RBFOX1: variants seen among roughly 807,000 people sequenced by gnomAD.
RBFOX1 encodes RNA binding fox-1 homolog 1.
RBFOX1 carries 8 observed loss-of-function variants against 57.7 expected under a neutral mutation model. That is an observed-to-expected ratio of 0.14 (90% confidence interval 0.08 to 0.25). The LOEUF (loss-of-function observed/expected upper bound fraction) is 0.25. Ranked by LOEUF, RBFOX1 falls within the 10% of genes least tolerant of loss-of-function variation. The probability of loss-of-function intolerance (pLI) is 1.00; values close to 1 mark genes in which losing one functional copy is unlikely to be tolerated. For synonymous variants in RBFOX1, 326 were observed against 222.4 expected, an observed-to-expected ratio of 1.47 and a Z score of -4.15; for missense variants, 611 against 548.5, an observed-to-expected ratio of 1.11 and a Z score of -1.14.
At chr16:6,508,141 C>T (rs911294986) in intron 2 of RBFOX1, among the ~76,000 whole-genome samples, 5 of 152,142 alleles carry the variant, frequency 3.3e-5, no homozygotes, top group Non-Finnish European at 7.3e-5. Context: ...CATGTTCTCA[C>T]TTATAAGTGA....
intron 4 of RBFOX1, among the ~76,000 whole-genome samples, chr16:7,420,998 T>C (rs1279402391): frequency 6.6e-6 from 1 of 151,464 alleles, no homozygotes; most frequent in South Asian, 2.1e-4. Flanking sequence ...TTCCTGAGGC[T>C]GTACAGACGT....
intron 3 of RBFOX1, among the ~76,000 whole-genome samples, chr16:6,868,949 T>C (rs1171410276): frequency 6.6e-6 from 1 of 152,106 alleles, no homozygotes; most frequent in African/African-American, 2.4e-5. Flanking sequence ...GCCTTAGAGA[T>C]TTTGGATACA....
intron 1 of RBFOX1, among the ~76,000 whole-genome samples, chr16:6,108,896 G>C (rs73527911): frequency 0.11 from 17,316 of 151,720 alleles, 1,543 homozygotes; most frequent in East Asian, 0.31. Context: ...TTAATATTTC[G>C]GACCCACCTA....
intron 5 of RBFOX1, among the ~76,000 whole-genome samples, chr16:7,531,118 A>G (rs568844398): frequency 4.4e-4 from 67 of 152,304 alleles, no homozygotes; most frequent in African/African-American, 1.5e-3. Flanking sequence ...TGAAAGTGAA[A>G]AGGCAATTTT....
chr16:5,327,196 A>G (rs148248433), intron 1 of RBFOX1, among the ~76,000 whole-genome samples: 224 of 152,306 alleles, frequency 1.5e-3, no homozygotes, highest in African/African-American at 5.2e-3. Context: ...TGGTGTGTAG[A>G]TCCCCTGCAT....
At chr16:5,355,635 G>T (rs979423009) in intron 1 of RBFOX1, among the ~76,000 whole-genome samples, 4 of 152,164 alleles carry the variant, frequency 2.6e-5, no homozygotes, top group Non-Finnish European at 5.9e-5. Context: ...CCTGTAGTGG[G>T]TTGAGGAGCG....
chr16:6,411,872 G>T (rs1046231005), intron 2 of RBFOX1, among the ~76,000 whole-genome samples: 1 of 152,118 alleles, frequency 6.6e-6, no homozygotes, highest in East Asian at 1.9e-4. Context: ...GGTGGCTCAC[G>T]CCTGTAATCC....
At chr16:5,721,907 A>G (rs887603193) in intron 3 of RBFOX1, among the ~76,000 whole-genome samples, 1 of 152,206 alleles carries the variant, frequency 6.6e-6, no homozygotes, top group African/African-American at 2.4e-5. Context: ...TGGAAAGACA[A>G]ACACAAATTT....
chr16:5,300,344 G>C (rs1567301856), intron 1 of RBFOX1, among the ~76,000 whole-genome samples: 1 of 152,130 alleles, frequency 6.6e-6, no homozygotes, highest in Admixed American at 6.5e-5. Context: ...TGATACGAGG[G>C]ATCTTGGGGA....
chr16:6,547,427 A>T (rs1171494466), intron 2 of RBFOX1, among the ~76,000 whole-genome samples: 2 of 152,218 alleles, frequency 1.3e-5, no homozygotes, highest in African/African-American at 2.4e-5. Context: ...TTTGTCAGAG[A>T]TGATTGTCGA....
At chr16:5,386,869 G>T (rs1009010140) in intron 1 of RBFOX1, among the ~76,000 whole-genome samples, 1 of 152,134 alleles carries the variant, frequency 6.6e-6, no homozygotes, top group African/African-American at 2.4e-5. Context: ...TGCCCAACAC[G>T]GCGAAACCCC....
chr16:6,180,890 T>C (rs2097057876), intron 1 of RBFOX1, among the ~76,000 whole-genome samples: 1 of 152,088 alleles, frequency 6.6e-6, no homozygotes, highest in African/African-American at 2.4e-5. Context: ...TCTTCATTTC[T>C]GAAAGTTTTT....
At chr16:5,326,474 A>G (rs1024547703) in intron 1 of RBFOX1, among the ~76,000 whole-genome samples, 7 of 152,240 alleles carry the variant, frequency 4.6e-5, no homozygotes, top group African/African-American at 7.2e-5. Context: ...TCATTTGCTC[A>G]ATAATAACCT....
intron 4 of RBFOX1, among the ~76,000 whole-genome samples, chr16:7,072,995 T>G (rs896797297): frequency 2.6e-5 from 4 of 152,206 alleles, no homozygotes; most frequent in Non-Finnish European, 5.9e-5. Flanking sequence ...GCCACTTATG[T>G]GCAGGGTCAG....
At chr16:6,136,490 A>G (rs2096668475) in intron 1 of RBFOX1, among the ~76,000 whole-genome samples, 1 of 152,204 alleles carries the variant, frequency 6.6e-6, no homozygotes, top group Non-Finnish European at 1.5e-5. Flanking sequence ...TTCATTTTTT[A>G]TGCTGTCTCT....
At chr16:5,360,648 T>A (rs952447657) in intron 1 of RBFOX1, among the ~76,000 whole-genome samples, 3 of 152,188 alleles carry the variant, frequency 2.0e-5, no homozygotes, top group Non-Finnish European at 4.4e-5. Context: ...CAGCAGAAGC[T>A]GCTGTGACTA....
intron 1 of RBFOX1, among the ~76,000 whole-genome samples, chr16:6,221,585 A>G (rs145459519): frequency 1.1e-4 from 16 of 152,360 alleles, no homozygotes; most frequent in African/African-American, 3.8e-4. Flanking sequence ...AAATTAATGT[A>G]TTAGTCCATT....
chr16:7,527,740 C>T (rs1368892327), intron 5 of RBFOX1, among the ~76,000 whole-genome samples: 1 of 152,092 alleles, frequency 6.6e-6, no homozygotes, highest in East Asian at 1.9e-4. Flanking sequence ...GGTCTTAGCA[C>T]AATGACAAAC....
intron 1 of RBFOX1, among the ~76,000 whole-genome samples, chr16:5,451,688 G>C (rs185645192): frequency 2.0e-5 from 3 of 152,218 alleles, no homozygotes; most frequent in Non-Finnish European, 4.4e-5. Context: ...GAGAGACATC[G>C]TCCCTGGTTT....
Sources: gnomAD v4.1 joint callset for allele counts (sites outside exome capture counted in the v4.1 genomes callset) on GRCh38, gnomAD v4.1.1 for gene constraint, MANE v1.5 for transcripts, NCBI Gene and HGNC (gene_info 2026-07-23, HGNC 2026-07-21) for gene names.